Variants in ADAMTS12 observed in about 807,000 individuals in gnomAD.
The protein encoded by ADAMTS12 is ADAM metallopeptidase with thrombospondin type 1 motif 12, also known as A disintegrin and metalloproteinase with thrombospondin motifs 12.
ADAMTS12 carries 118 observed loss-of-function variants against 167.8 expected under a neutral mutation model. The ratio of observed to expected loss-of-function variants is 0.70; its 90% CI spans 0.61 to 0.82. ADAMTS12 has a LOEUF of 0.82. Among genes scored for constraint, ADAMTS12 ranks in the 40% least tolerant of loss-of-function variants. The pLI, the probability that ADAMTS12 is intolerant of heterozygous loss-of-function variation, is 0.00. For synonymous variants in ADAMTS12, 704 were observed against 716.9 expected (o/e 0.98, Z 0.29); for missense variants, 1,916 against 1,998.8 (o/e 0.96, Z 0.79).
chr5:33,536,216 A>G (rs1366080808), intron 22 of ADAMTS12, among the ~76,000 whole-genome samples: 1 of 152,120 alleles, frequency 6.6e-6, no homozygotes, highest in Non-Finnish European at 1.5e-5. Context: ...GGCTCACTGC[A>G]ACCTCCCTCC....
At chr5:33,631,761 G>A (rs781307171) in intron 12 of ADAMTS12, among the ~76,000 whole-genome samples, 3 of 152,180 alleles carry the variant, frequency 2.0e-5, no homozygotes, top group Non-Finnish European at 4.4e-5. Context: ...TTTAATGAAT[G>A]TAATGAATGC....
chr5:33,809,326 T>C lies in ADAMTS12; in HGVS notation c.490-57778A>G, dbSNP rs201813425. ...AGTTTAGCAGATTCAGAATTCTACATTGACACTTACTTTCCACTCCTCCCA... is the reference window on the plus strand; with the variant it reads ...AGTTTAGCAGATTCAGAATTCTACACTGACACTTACTTTCCACTCCTCCCA... On this transcript the variant is annotated intron_variant, in intron 2 of 23. Transcript: ENST00000504830. Among the ~76,000 whole-genome samples, 5 of 152,326 alleles carry C rather than the reference T, an allele frequency of 3.3e-5. No homozygotes were observed. The East Asian group carries it at 5.8e-4, about 18-fold the overall frequency.
At chr5:33,544,034 C>G (rs777804012) in intron 22 of ADAMTS12, among the ~76,000 whole-genome samples, 2 of 152,122 alleles carry the variant, frequency 1.3e-5, no homozygotes, top group African/African-American at 2.4e-5. Flanking sequence ...AGAGAAAGAA[C>G]TAAAGTGTAT....
intron 16 of ADAMTS12, among the ~76,000 whole-genome samples, chr5:33,609,969 C>G (rs532300637): frequency 6.6e-6 from 1 of 152,152 alleles, no homozygotes; most frequent in South Asian, 2.1e-4. Context: ...CACCTGAGGT[C>G]AGGAGCTCGA....
At chr5:33,601,448 A>G (rs1279516042) in intron 16 of ADAMTS12, among the ~76,000 whole-genome samples, 4 of 152,136 alleles carry the variant, frequency 2.6e-5, no homozygotes, top group Non-Finnish European at 5.9e-5. Context: ...CACTCATCCA[A>G]TAGTGAATAT....
At chr5:33,643,328 A>G in intron 10 of ADAMTS12, 50 bp downstream of exon 10, 1 of 1,596,786 alleles carries the variant, frequency 6.3e-7, no homozygotes, top group South Asian at 1.1e-5. Flanking sequence ...GCTCCTCCCA[A>G]GAACTCTGCC....
At chr5:33,571,560 C>G (rs1244070578) in intron 19 of ADAMTS12, among the ~76,000 whole-genome samples, 7 of 151,978 alleles carry the variant, frequency 4.6e-5, no homozygotes, top group Non-Finnish European at 1.0e-4. Flanking sequence ...AGAACAAAGA[C>G]ACCACATACC....
intron 11 of ADAMTS12, among the ~76,000 whole-genome samples, chr5:33,639,227 G>T (rs1740341636): frequency 6.6e-6 from 1 of 152,108 alleles, no homozygotes; most frequent in Non-Finnish European, 1.5e-5. Flanking sequence ...TGGTTATCGT[G>T]AATAATAATC....
rs564984866 is a variant in ADAMTS12 at position 33,542,255 on chromosome 5, A to G, written c.4446+3804T>C. Among the ~76,000 whole-genome samples the G allele has an allele frequency of 7.2e-5, 11 of 152,354 alleles. No homozygotes were observed. The South Asian group carries it at 2.3e-3, about 32-fold the overall frequency. ...AAAGAGACAAAGAAAGCCATTACAT[A>G]ATGGTAAAGGGACCAATTCAACAAG... On this transcript the variant is annotated intron_variant, in intron 22 of 23. Transcript: ENST00000504830.
At chr5:33,630,392 A>T (rs572820293) in intron 13 of ADAMTS12, among the ~76,000 whole-genome samples, 1 of 152,334 alleles carries the variant, frequency 6.6e-6, no homozygotes, top group Admixed American at 6.5e-5. Context: ...TTGATAGTCA[A>T]TGGAGAATTA....
intron 2 of ADAMTS12, among the ~76,000 whole-genome samples, chr5:33,783,767 T>G (rs1013481590): frequency 1.1e-4 from 16 of 151,956 alleles, no homozygotes; most frequent in African/African-American, 3.9e-4. Context: ...CAATGATCAA[T>G]TTTATCCAAT....
intron 16 of ADAMTS12, among the ~76,000 whole-genome samples, chr5:33,604,782 AG>A (rs1371244019): frequency 6.6e-6 from 1 of 152,192 alleles, no homozygotes; most frequent in Non-Finnish European, 1.5e-5. Context: ...AGTATTAGAA[AG>A]GGTGGGGTGC....
At chr5:33,757,756 G>T (rs1195442421) in intron 2 of ADAMTS12, among the ~76,000 whole-genome samples, 2 of 152,154 alleles carry the variant, frequency 1.3e-5, no homozygotes, top group Non-Finnish European at 2.9e-5. Context: ...TTAACACATT[G>T]AGCCCCAGTT....
At chr5:33,582,048 T>C (rs1354068887) in intron 18 of ADAMTS12, among the ~76,000 whole-genome samples, 1 of 152,208 alleles carries the variant, frequency 6.6e-6, no homozygotes, top group Non-Finnish European at 1.5e-5. Context: ...TTGTAGCTTC[T>C]GCACATGTGA....
At chr5:33,828,202 T>C (rs1365706457) in intron 2 of ADAMTS12, among the ~76,000 whole-genome samples, 3 of 152,224 alleles carry the variant, frequency 2.0e-5, no homozygotes, top group African/African-American at 7.2e-5. Context: ...CATTACCAAC[T>C]TCTGAGACTT....
intron 5 of ADAMTS12, among the ~76,000 whole-genome samples, chr5:33,676,780 A>G (rs950716811): frequency 6.6e-6 from 1 of 152,084 alleles, no homozygotes; most frequent in African/African-American, 2.4e-5. Context: ...CCCTGAAAGA[A>G]CAATACAGAC....
At chr5:33,598,111 C>A (rs1403242645) in intron 16 of ADAMTS12, among the ~76,000 whole-genome samples, 1 of 152,180 alleles carries the variant, frequency 6.6e-6, no homozygotes, top group Non-Finnish European at 1.5e-5. Flanking sequence ...AGGCAGATGT[C>A]ATCAAGGGCA....
chr5:33,686,765 C>CTCTA (rs1428539676), intron 3 of ADAMTS12, among the ~76,000 whole-genome samples: 2 of 146,090 alleles, frequency 1.4e-5, no homozygotes, highest in Non-Finnish European at 3.0e-5. Context: ...ACCTCTCTCT[C>CTCTA]TATATATATA....
intron 16 of ADAMTS12, among the ~76,000 whole-genome samples, chr5:33,610,007 C>G (rs1056239708): frequency 1.3e-5 from 2 of 151,578 alleles, no homozygotes; most frequent in African/African-American, 4.9e-5. Context: ...TGGAGAAACC[C>G]CGTCTCTACT....
Sources: allele counts gnomAD v4.1 joint callset (sites outside exome capture counted in the v4.1 genomes callset), GRCh38; gene constraint gnomAD v4.1.1; transcripts MANE v1.5; gene names NCBI Gene and HGNC (gene_info 2026-07-23, HGNC 2026-07-21).